The following MYCBP2 variants were observed in gnomAD, a reference collection of about 807,000 sequenced individuals.
MYCBP2 encodes the protein MYC binding protein 2.
MYCBP2 carries 120 observed loss-of-function variants against 525.3 expected under a neutral mutation model. The observed-to-expected ratio is 0.23, with a 90% CI of 0.20 to 0.27. The LOEUF (loss-of-function observed/expected upper bound fraction) is 0.27. Among genes scored for constraint, MYCBP2 ranks in the 10% least tolerant of loss-of-function variants. The pLI is 1.00. For missense variants in MYCBP2, 4,149 were observed against 5,657.1 expected (o/e 0.73, Z 8.55); for synonymous variants, 1,894 against 1,955.8 (o/e 0.97, Z 0.83).
intron 55 of MYCBP2, among the ~76,000 whole-genome samples, chr13:77,119,221 A>C (rs1420916952): frequency 6.6e-6 from 1 of 152,188 alleles, no homozygotes; most frequent in Admixed American, 6.5e-5. Flanking sequence ...TTTTTAAGAT[A>C]ATGAAATTAT....
chr13:77,140,882 C>T lies in MYCBP2; in HGVS notation c.7365G>A (p.Gln2455=), dbSNP rs1458958011. 1 of 1,613,056 alleles carries T rather than the reference C, an allele frequency of 6.2e-7. No homozygotes were observed. The stretch of plus-strand genomic sequence containing the variant: ...GAGGTTCAGACTTTGGTTTGACCAA[C>T]TGAGTTCCTGGTGGTATCATCCCTT... ...PPKGMIPPGT[Q]LVKPKSEPQP... Residue 2455 remains glutamine (Q), a synonymous_variant, in exon 50 of 83, where the codon CAG becomes CAA. Coordinates refer to ENST00000544440, the MANE Select transcript of MYCBP2 (RefSeq NM_015057.5).
At chr13:77,156,435 T>C (rs1594973081) in intron 45 of MYCBP2, among the ~76,000 whole-genome samples, 1 of 152,224 alleles carries the variant, frequency 6.6e-6, no homozygotes, top group Non-Finnish European at 1.5e-5. Flanking sequence ...AAATACAGTA[T>C]AAAAATACTT....
chr13:77,238,548 A>G (rs1156390999), intron 17 of MYCBP2, among the ~76,000 whole-genome samples: 3 of 152,184 alleles, frequency 2.0e-5, no homozygotes, highest in African/African-American at 7.2e-5. Flanking sequence ...AAATTAATAC[A>G]TCAATCAACC....
rs368527680 is a variant in MYCBP2, at chr13:77,305,300, A to G, written c.303-8626T>C. 3.3e-5 allele frequency among the ~76,000 whole-genome samples: 5 copies of G among 152,224 alleles called. No individual in the cohort carries two copies. The East Asian group carries it at 5.8e-4, about 18-fold the overall frequency. ...ATAGCAACAACCCAAATGCTCACCA[A>G]CTAATGAATGTATAAAGTGTAGCAC... On this transcript the variant is annotated intron_variant, in intron 1 of 82. Transcript: ENST00000544440.
At chr13:77,127,556 T>G (rs1392402526) in intron 52 of MYCBP2, among the ~76,000 whole-genome samples, 1 of 151,918 alleles carries the variant, frequency 6.6e-6, no homozygotes, top group Non-Finnish European at 1.5e-5. Context: ...TCAGATAGAG[T>G]AATAGATAAC....
intron 52 of MYCBP2, among the ~76,000 whole-genome samples, chr13:77,128,418 T>C (rs978775123): frequency 6.6e-6 from 1 of 151,924 alleles, no homozygotes; most frequent in African/African-American, 2.4e-5. Context: ...TCCTAGTGCA[T>C]TTAATTAATT....
At chr13:77,266,696 CATT>C (rs57489746) in intron 8 of MYCBP2, among the ~76,000 whole-genome samples, 73 of 121,866 alleles carry the variant, frequency 6.0e-4, no homozygotes, top group African/African-American at 2.1e-3. Flanking sequence ...ATATTATTGT[CATT>C]ATTATTATTA....
At chr13:77,211,100 T>C in intron 23 of MYCBP2, 67 bp downstream of exon 23, 2 of 1,250,274 alleles carry the variant, frequency 1.6e-6, no homozygotes, top group Non-Finnish European at 2.1e-6. Flanking sequence ...GTAAATAAAG[T>C]TTATATTACC....
At position 77,146,237 on chromosome 13, in the gene MYCBP2, C is replaced by A; in HGVS notation, c.7132-20G>T. ...ATAAACCTTTAAGAAAGAGACCAGTCTGAACAATCGTAAAATCATTTAAAA... is the reference window on the plus strand; with the variant it reads ...ATAAACCTTTAAGAAAGAGACCAGTATGAACAATCGTAAAATCATTTAAAA... On this transcript the variant is annotated intron_variant, in intron 47 of 82. Transcript: ENST00000544440. The A allele has an allele frequency of 1.3e-6, 2 of 1,535,880 alleles. No individual in the cohort carries two copies. The highest frequency in any genetic ancestry group is 1.2e-5 in the South Asian group (1 of 80,728).
At chr13:77,192,263 C>A (rs948424597) in intron 27 of MYCBP2, among the ~76,000 whole-genome samples, 1 of 152,312 alleles carries the variant, frequency 6.6e-6, no homozygotes, top group African/African-American at 2.4e-5. Context: ...AGCAGGGCAA[C>A]GCAGGGCAAG....
In MYCBP2 at chr13:77,125,324, A is replaced by T; in HGVS notation, c.8017+12T>A. ...CTTAATTGGAATAAATCACAAATTTAAGCCAACTTGCCATCTTCATGTCGG... is the reference window on the plus strand; with the variant it reads ...CTTAATTGGAATAAATCACAAATTTTAGCCAACTTGCCATCTTCATGTCGG... On this transcript the variant is annotated intron_variant, in intron 54 of 82. Coordinates refer to ENST00000544440, the MANE Select transcript of MYCBP2 (RefSeq NM_015057.5). The T allele has an allele frequency of 2.5e-6, 4 of 1,613,430 alleles. No individual in the cohort carries two copies. In the Admixed American group the frequency reaches 5.0e-5, roughly 20 times the overall value.
intron 30 of MYCBP2, 116 bp downstream of exon 30, chr13:77,188,835 A>C: frequency 1.7e-6 from 1 of 592,376 alleles, no homozygotes; most frequent in Non-Finnish European, 2.7e-6. Context: ...TACAAAACCA[A>C]ATCTGAGTTT....
chr13:77,202,875 G>A (rs1023598324), intron 26 of MYCBP2, among the ~76,000 whole-genome samples: 51 of 152,236 alleles, frequency 3.4e-4, no homozygotes, highest in Non-Finnish European at 6.6e-4. Flanking sequence ...CAATAAATTA[G>A]GTATTCATGG....
chr13:77,224,694 G>T (rs1406926968), intron 19 of MYCBP2, among the ~76,000 whole-genome samples, 162 bp from the exon 20 acceptor site: 1 of 152,022 alleles, frequency 6.6e-6, no homozygotes, highest in Non-Finnish European at 1.5e-5. Context: ...ATTAATTTTA[G>T]TTCTGAAAAA....
intron 18 of MYCBP2, among the ~76,000 whole-genome samples, chr13:77,230,849 AG>A (rs1268183316): frequency 5.3e-5 from 8 of 152,200 alleles, no homozygotes; most frequent in Non-Finnish European, 2.9e-5. Flanking sequence ...CTGTCACAGG[AG>A]GTCAGGTGTG....
chr13:77,157,410 C>A (rs1376600431), intron 45 of MYCBP2, among the ~76,000 whole-genome samples: 1 of 152,004 alleles, frequency 6.6e-6, no homozygotes, highest in South Asian at 2.1e-4. Context: ...TTTTTGTAGA[C>A]ACAGGATTTC....
At chr13:77,101,965 TATTTA>T (rs1410162788) in intron 55 of MYCBP2, among the ~76,000 whole-genome samples, 2 of 152,002 alleles carry the variant, frequency 1.3e-5, no homozygotes, top group Non-Finnish European at 1.5e-5. Flanking sequence ...TCTCCTAATT[TATTTA>T]ATGACTGTAC....
At chr13:77,113,124 G>GT (rs2049119269) in intron 55 of MYCBP2, among the ~76,000 whole-genome samples, 1 of 152,136 alleles carries the variant, frequency 6.6e-6, no homozygotes, top group South Asian at 2.1e-4. Flanking sequence ...TCTCTGTAAT[G>GT]TAACTCATGT....
chr13:77,200,170 G>C (rs1455725097), intron 26 of MYCBP2, among the ~76,000 whole-genome samples: 39 of 151,934 alleles, frequency 2.6e-4, no homozygotes, highest in Admixed American at 1.0e-3. Context: ...TGTATAACTA[G>C]AATAACCAAT....
Sources: allele counts gnomAD v4.1 joint callset (sites outside exome capture counted in the v4.1 genomes callset), GRCh38; gene constraint gnomAD v4.1.1; transcripts MANE v1.5; gene names NCBI Gene and HGNC (gene_info 2026-07-23, HGNC 2026-07-21).